Variants in DPH6 observed in about 807,000 individuals in gnomAD.
DPH6 encodes the protein diphthamine biosynthesis 6, also known as diphthine--ammonia ligase.
DPH6 carries 33 observed loss-of-function variants against 38.2 expected under a neutral mutation model. That is an observed-to-expected ratio of 0.86 (90% confidence interval 0.65 to 1.15). The LOEUF (loss-of-function observed/expected upper bound fraction) is 1.15. Ranked by LOEUF, DPH6 falls within the 50% of genes most tolerant of loss-of-function variation. The probability of loss-of-function intolerance (pLI) is 0.00; values close to 1 mark genes in which losing one functional copy is unlikely to be tolerated. For missense variants in DPH6, 325 were observed against 320.0 expected (o/e 1.02, Z -0.12); for synonymous variants, 108 against 103.0 (o/e 1.05, Z -0.30).
chr15:35,328,292 C>T (rs1333168771), downstream of DPH6, among the ~76,000 whole-genome samples: 3 of 152,116 alleles, frequency 2.0e-5, no homozygotes, highest in African/African-American at 7.2e-5. Flanking sequence ...CCATCTTAAC[C>T]TGGTAACCCC....
chr15:35,172,515 T>C, the DPH6 span, among the ~76,000 whole-genome samples: 2 of 152,190 alleles, frequency 1.3e-5, no homozygotes, highest in Non-Finnish European at 2.9e-5. Flanking sequence ...AGTGCAAAAA[T>C]ATTTAAGTGT....
intron 3 of DPH6, among the ~76,000 whole-genome samples, chr15:35,332,408 T>C (rs1335059830): frequency 6.6e-6 from 1 of 152,198 alleles, no homozygotes; most frequent in Non-Finnish European, 1.5e-5. Flanking sequence ...ATGAATTAAA[T>C]GGAAAGTAAT....
At chr15:35,436,293 C>A (rs201765994) in intron 5 of DPH6, among the ~76,000 whole-genome samples, 1 of 151,170 alleles carries the variant, frequency 6.6e-6, no homozygotes, top group Non-Finnish European at 1.5e-5. Flanking sequence ...GGTGAAACCC[C>A]GTCTCTACTA....
intron 3 of DPH6, among the ~76,000 whole-genome samples, chr15:35,340,693 T>C (rs1210407087): frequency 2.0e-5 from 3 of 152,340 alleles, no homozygotes; most frequent in East Asian, 3.9e-4. Flanking sequence ...TTTAAGAATG[T>C]TGAATATTCG....
intron 5 of DPH6, among the ~76,000 whole-genome samples, chr15:35,431,893 T>C (rs968130779): frequency 2.0e-5 from 3 of 152,138 alleles, no homozygotes; most frequent in Non-Finnish European, 4.4e-5. Flanking sequence ...GTTCACACCA[T>C]TCTCCTGCCT....
At chr15:35,401,060 T>G (rs1274682779) in intron 6 of DPH6, 2 of 899,144 alleles carry the variant, frequency 2.2e-6, no homozygotes, top group East Asian at 4.8e-5. Context: ...GAGATTATTT[T>G]CAACAGTACA....
At chr15:35,418,433 C>T (rs563377487) in intron 5 of DPH6, among the ~76,000 whole-genome samples, 2 of 152,150 alleles carry the variant, frequency 1.3e-5, no homozygotes, top group Admixed American at 6.6e-5. Flanking sequence ...TGACACCTAG[C>T]CATTTCATCA....
intron 2 of DPH6, among the ~76,000 whole-genome samples, chr15:35,539,976 T>C (rs1027486203): frequency 1.3e-5 from 2 of 152,092 alleles, no homozygotes; most frequent in African/African-American, 4.8e-5. Context: ...TAAAAACCTT[T>C]CGGCCTTCTC....
chr15:35,420,580 G>C (rs1214114682), intron 5 of DPH6, among the ~76,000 whole-genome samples: 3 of 151,992 alleles, frequency 2.0e-5, no homozygotes, highest in Admixed American at 1.3e-4. Flanking sequence ...GCAGTGGCAC[G>C]ACCTCAGCCC....
intron 3 of DPH6, among the ~76,000 whole-genome samples, chr15:35,303,047 C>T (rs1042552370): frequency 6.6e-6 from 1 of 151,892 alleles, no homozygotes; most frequent in Non-Finnish European, 1.5e-5. Flanking sequence ...ATTTAAGAAC[C>T]CCAAAGGGTT....
chr15:35,523,240 C>CTTT (rs35551024), intron 3 of DPH6, among the ~76,000 whole-genome samples: 4 of 100,092 alleles, frequency 4.0e-5, no homozygotes, highest in Admixed American at 1.0e-4. Context: ...GTTACACATT[C>CTTT]TTTTTTTTTT....
chr15:35,496,567 A>AAAAAAAAAATATATATATATAT, intron 3 of DPH6, among the ~76,000 whole-genome samples: 1 of 31,014 alleles, frequency 3.2e-5, no homozygotes, highest in African/African-American at 1.4e-4. Context: ...AAAAAAAAAA[A>AAAAAAAAAATATATATATATAT]ATATATATAT....
At chr15:35,413,935 A>AT in intron 5 of DPH6, among the ~76,000 whole-genome samples, 1 of 151,662 alleles carries the variant, frequency 6.6e-6, no homozygotes, top group East Asian at 1.9e-4. Flanking sequence ...ATCATCTGTG[A>AT]TTTTTTACAT....
chr15:35,293,455 CAGG>C (rs1347159987), intron 3 of DPH6, among the ~76,000 whole-genome samples: 3 of 152,172 alleles, frequency 2.0e-5, no homozygotes, highest in African/African-American at 4.8e-5. Context: ...ACACTCTGAG[CAGG>C]AGAAGTGGAG....
In DPH6 at chr15:35,320,506, G is replaced by A. The variant is rs72708950; in HGVS notation, n.200+53015C>T. ...ATTTCTATATTTGTGGCTTTATCCC[G>A]TATGTAAGAAAGCCAACTGCTTTGC... On this transcript the variant is annotated intron_variant and non_coding_transcript_variant, in intron 3 of 3. Transcript: ENST00000560386. Among the ~76,000 whole-genome samples, 265 of 152,282 alleles carry A rather than the reference G, an allele frequency of 1.7e-3. 1 individual carries two copies. The highest frequency in any genetic ancestry group is 5.0e-3 in the East Asian group (26 of 5,184).
the DPH6 span, among the ~76,000 whole-genome samples, chr15:35,193,486 T>C: frequency 6.4e-4 from 97 of 152,298 alleles, no homozygotes; most frequent in East Asian, 0.017. Context: ...TCTCTCCATC[T>C]TATTTTTGAC....
At chr15:35,194,067 C>T in the DPH6 span, among the ~76,000 whole-genome samples, 1 of 152,080 alleles carries the variant, frequency 6.6e-6, no homozygotes, top group African/African-American at 2.4e-5. Context: ...AACTCTGATG[C>T]CAGTCAAAGA....
At chr15:35,211,500 G>C in the DPH6 span, among the ~76,000 whole-genome samples, 1 of 152,122 alleles carries the variant, frequency 6.6e-6, no homozygotes, top group African/African-American at 2.4e-5. Context: ...GCTGAAGAGG[G>C]GGAGGAGGAA....
intron 3 of DPH6, among the ~76,000 whole-genome samples, chr15:35,473,933 T>C (rs1595395142): frequency 1.5e-5 from 1 of 65,568 alleles, no homozygotes; most frequent in South Asian, 9.5e-4. Context: ...TGTGTGTGTG[T>C]GTGTGTGTGT....
Sources: gnomAD v4.1 joint callset for allele counts (sites outside exome capture counted in the v4.1 genomes callset) on GRCh38, gnomAD v4.1.1 for gene constraint, MANE v1.5 for transcripts, NCBI Gene and HGNC (gene_info 2026-07-23, HGNC 2026-07-21) for gene names.